Variants in DNAL1 observed in about 807,000 individuals in gnomAD.
DNAL1 encodes the protein chromosome 14 open reading frame 168.
DNAL1 carries 17 observed loss-of-function variants against 29.4 expected under a neutral mutation model. The observed-to-expected ratio is 0.58, with a 90% CI of 0.40 to 0.87. The LOEUF is 0.87. Ranked by LOEUF, DNAL1 falls within the 40% of genes least tolerant of loss-of-function variation. The pLI, the probability that DNAL1 is intolerant of heterozygous loss-of-function variation, is 0.00. For missense variants in DNAL1, 188 were observed against 214.1 expected (o/e 0.88, Z 0.76); for synonymous variants, 78 against 76.3 (o/e 1.02, Z -0.12).
intron 7 of DNAL1, among the ~76,000 whole-genome samples, chr14:73,692,657 A>G (rs907649304): frequency 6.6e-6 from 1 of 151,966 alleles, no homozygotes; most frequent in Non-Finnish European, 1.5e-5. Flanking sequence ...TAGAACTTGA[A>G]TAGACAAAGC....
rs572642136 is a variant in DNAL1 at position 73,702,348 on chromosome 14, C to T, written c.*6406C>T. 2.0e-5 allele frequency: 3 copies of T among 152,132 alleles called. No individual in the cohort carries two copies. The highest frequency in any genetic ancestry group is 4.4e-5 in the Non-Finnish European group (3 of 68,054). The allele number at this position is 152,132 out of a possible 1,614,324, so 9.4% of individuals were successfully genotyped here. A position where few individuals can be genotyped will look rare whatever the true frequency, so the allele number is the denominator to read the frequency against. On this transcript the variant is annotated 3_prime_UTR_variant, in exon 8 of 8. Coordinates refer to ENST00000553645, the MANE Select transcript of DNAL1 (RefSeq NM_031427.4). ...AGAGACGAAGTTTCACCATGCTGGC[C>T]AGGTTGGTCTCGAACTCTTGACCTC...
intron 1 of DNAL1, among the ~76,000 whole-genome samples, chr14:73,646,395 G>A (rs867834906): frequency 4.2e-4 from 63 of 150,612 alleles, no homozygotes; most frequent in African/African-American, 1.4e-3. Context: ...AAGTTTTACA[G>A]CATTTTACTA....
At chr14:73,668,074 A>G (rs999306799) in intron 4 of DNAL1, among the ~76,000 whole-genome samples, 2 of 152,106 alleles carry the variant, frequency 1.3e-5, no homozygotes, top group Admixed American at 6.6e-5. Flanking sequence ...CTTCCTCCAG[A>G]TATGTGCATG....
At chr14:73,687,521 A>G (rs1892048382) in intron 6 of DNAL1, 136 bp downstream of exon 6, 2 of 1,033,700 alleles carry the variant, frequency 1.9e-6, no homozygotes, top group Non-Finnish European at 2.6e-6. Flanking sequence ...CTAAGCTCAG[A>G]GAGAAACAGC....
chr14:73,660,330 T>G lies in DNAL1; in HGVS notation c.152+1374T>G, dbSNP rs76293078. On this transcript the variant is annotated intron_variant, in intron 3 of 7. Transcript: ENST00000553645. Reference sequence around the variant, plus strand: ...ATACATGTATTTTAGCAGGATTCTGTGGCTAATTTGAGGCAATTATACCAC... The same window carrying G: ...ATACATGTATTTTAGCAGGATTCTGGGGCTAATTTGAGGCAATTATACCAC... Among the ~76,000 whole-genome samples the G allele has an allele frequency of 8.3e-3, 1,267 of 152,336 alleles. 25 individuals carry two copies. The highest frequency in any genetic ancestry group is 0.029 in the African/African-American group (1,200 of 41,578).
intron 5 of DNAL1, among the ~76,000 whole-genome samples, chr14:73,676,684 A>G (rs529527251): frequency 1.3e-5 from 2 of 151,712 alleles, no homozygotes; most frequent in East Asian, 3.9e-4. Flanking sequence ...TTGGGTGAGG[A>G]GTGTGGGTTT....
At chr14:73,663,054 C>T (rs1891392208) in intron 4 of DNAL1, among the ~76,000 whole-genome samples, 3 of 151,968 alleles carry the variant, frequency 2.0e-5, no homozygotes, top group Admixed American at 2.0e-4. Flanking sequence ...TCATGTTCTT[C>T]AAACATTTTG....
intron 5 of DNAL1, among the ~76,000 whole-genome samples, chr14:73,681,196 C>T (rs1891866667): frequency 6.6e-6 from 1 of 151,178 alleles, no homozygotes; most frequent in Non-Finnish European, 1.5e-5. Flanking sequence ...TGCAGTGGCA[C>T]CCTGTCGGCT....
rs371870591 is a variant in DNAL1, at chr14:73,668,988, C to T, written c.209-2554C>T. Reference sequence around the variant, plus strand: ...CTCTACACCTGGCCCCTCCCTCTCTCTGTACATGTTCTTTTCTCTGTGTCT... The same window carrying T: ...CTCTACACCTGGCCCCTCCCTCTCTTTGTACATGTTCTTTTCTCTGTGTCT... On this transcript the variant is annotated intron_variant, in intron 4 of 7. Coordinates refer to ENST00000553645, the MANE Select transcript of DNAL1 (RefSeq NM_031427.4). Among the ~76,000 whole-genome samples the T allele has an allele frequency of 9.9e-5, 15 of 152,062 alleles. No individual in the cohort carries two copies. In the East Asian group the frequency reaches 2.9e-3, roughly 30 times the overall value.
chr14:73,702,900 A>T lies in DNAL1; in HGVS notation c.*6958A>T. On this transcript the variant is annotated 3_prime_UTR_variant, in exon 8 of 8. Transcript: ENST00000553645. ...TCCCAGTGCTTTGGGAGGCCAAGGC[A>T]GGAGTTTGAGACCAGCCTAGGCAAC... 6.6e-6 allele frequency: 1 copy of T among 151,682 alleles called. No homozygotes were observed. Among genetic ancestry groups the T allele is most frequent in the Non-Finnish European group, 1.5e-5 (1 of 67,944 alleles). 9.4% of individuals were successfully genotyped at this position (151,682 alleles called of 1,614,324 possible). A position where few individuals can be genotyped will look rare whatever the true frequency, so the allele number is the denominator to read the frequency against.
At chr14:73,667,539 C>T (rs1891514847) in intron 4 of DNAL1, among the ~76,000 whole-genome samples, 1 of 152,156 alleles carries the variant, frequency 6.6e-6, no homozygotes, top group Non-Finnish European at 1.5e-5. Flanking sequence ...TGCTCTGTCA[C>T]CCAGGCTGGA....
intron 5 of DNAL1, among the ~76,000 whole-genome samples, chr14:73,681,633 A>ATATATAT (rs1397342699): frequency 3.7e-4 from 13 of 35,370 alleles, no homozygotes; most frequent in African/African-American, 2.4e-3. Flanking sequence ...AAAAAAAAAA[A>ATATATAT]ATATATATAT....
At chr14:73,686,256 C>T (rs1892017160) in intron 5 of DNAL1, among the ~76,000 whole-genome samples, 1 of 152,162 alleles carries the variant, frequency 6.6e-6, no homozygotes. Context: ...AATGACTGTT[C>T]AGTTATTGTC....
chr14:73,661,909 G>T, intron 3 of DNAL1, 78 bp from the exon 4 acceptor site: 1 of 819,402 alleles, frequency 1.2e-6, no homozygotes. Context: ...TATCTTTTAT[G>T]GGCACTAGTG....
chr14:73,678,843 G>T (rs1566887733), intron 5 of DNAL1, among the ~76,000 whole-genome samples: 1 of 152,136 alleles, frequency 6.6e-6, no homozygotes, highest in Non-Finnish European at 1.5e-5. Context: ...CCCTCTGTGT[G>T]TTGAAATGGA....
At chr14:73,678,511 C>CTTTTTTTT (rs11379191) in intron 5 of DNAL1, among the ~76,000 whole-genome samples, 2 of 118,192 alleles carry the variant, frequency 1.7e-5, no homozygotes, top group African/African-American at 6.3e-5. Context: ...AGCAGGTATT[C>CTTTTTTTT]TTTTTTTTTT....
intron 5 of DNAL1, among the ~76,000 whole-genome samples, chr14:73,674,071 AAG>A (rs1442622663): frequency 2.0e-5 from 3 of 152,072 alleles, no homozygotes; most frequent in East Asian, 1.9e-4. Context: ...AGTTGAAGGA[AAG>A]GGGTTGATTT....
intron 1 of DNAL1, 147 bp from the exon 2 acceptor site, chr14:73,654,697 TGTG>T (rs1250037084): frequency 5.0e-6 from 3 of 597,782 alleles, no homozygotes; most frequent in Non-Finnish European, 7.9e-6. Context: ...AGGCAGAGGT[TGTG>T]GTGAGCGGAA....
rs746888868 is a variant in DNAL1 at position 73,644,990 on chromosome 14, T to G, written c.-50T>G. On this transcript the variant is annotated 5_prime_UTR_variant, in exon 1 of 8. Coordinates refer to ENST00000553645, the MANE Select transcript of DNAL1 (RefSeq NM_031427.4). ...AGCGCCGAGAAGTGCGCACGCGCAC[T>G]GACCCCGCGGGCCCTAGCAACCAGA... The G allele has an allele frequency of 4.4e-6, 7 of 1,603,352 alleles. No homozygotes were observed. The highest frequency in any genetic ancestry group is 1.6e-4 in the Middle Eastern group (1 of 6,080).
Sources: allele counts gnomAD v4.1 joint callset (sites outside exome capture counted in the v4.1 genomes callset), GRCh38; gene constraint gnomAD v4.1.1; transcripts MANE v1.5; gene names NCBI Gene and HGNC (gene_info 2026-07-23, HGNC 2026-07-21).